DAB1: variants seen among roughly 807,000 people sequenced by gnomAD.
The protein encoded by DAB1 is DAB adaptor protein 1, also known as disabled homolog 1.
Under a neutral mutation model 64.6 loss-of-function variants are expected in DAB1, and 15 were observed. The ratio of observed to expected loss-of-function variants is 0.23; its 90% CI spans 0.16 to 0.36. The LOEUF (loss-of-function observed/expected upper bound fraction) is 0.36, where lower values mean the gene tolerates loss of function less well. Among genes scored for constraint, DAB1 ranks in the 10% least tolerant of loss-of-function variants. DAB1 has a pLI of 1.00. For missense variants in DAB1, 596 were observed against 706.7 expected, an observed-to-expected ratio of 0.84 and a Z score of 1.78; for synonymous variants, 235 against 251.9, an observed-to-expected ratio of 0.93 and a Z score of 0.64.
intron 6 of DAB1, among the ~76,000 whole-genome samples, chr1:57,661,883 C>T (rs1165422799): frequency 1.3e-5 from 2 of 151,976 alleles, no homozygotes; most frequent in Non-Finnish European, 2.9e-5. Flanking sequence ...ATGTGGAGGG[C>T]TGATGCAGTG....
intron 1 of DAB1, among the ~76,000 whole-genome samples, chr1:57,299,438 T>G (rs1423781568): frequency 6.6e-6 from 1 of 152,188 alleles, no homozygotes; most frequent in Non-Finnish European, 1.5e-5. Context: ...GTTTCTGTAA[T>G]CAAACTCAAA....
At chr1:58,363,264 T>G (rs1326213534) in intron 3 of DAB1, among the ~76,000 whole-genome samples, 1 of 152,190 alleles carries the variant, frequency 6.6e-6, no homozygotes, top group Non-Finnish European at 1.5e-5. Flanking sequence ...AAATATCATC[T>G]AATCCAAATT....
At chr1:57,695,948 C>A (rs141001510) in intron 6 of DAB1, among the ~76,000 whole-genome samples, 3 of 152,186 alleles carry the variant, frequency 2.0e-5, no homozygotes, top group East Asian at 1.9e-4. Context: ...AGGGAAATTT[C>A]TTTTCTGTAG....
chr1:57,732,532 C>T (rs1437716586), intron 6 of DAB1, among the ~76,000 whole-genome samples: 3 of 152,168 alleles, frequency 2.0e-5, no homozygotes, highest in African/African-American at 7.2e-5. Flanking sequence ...CAACCCTCCA[C>T]CTACTTATGT....
chr1:58,257,503 A>G (rs1179539092), intron 4 of DAB1, among the ~76,000 whole-genome samples: 1 of 152,042 alleles, frequency 6.6e-6, no homozygotes, highest in African/African-American at 2.4e-5. Flanking sequence ...TGAGGCTGCA[A>G]TTGGTCAAAA....
chr1:57,468,002 T>C (rs901230883), intron 7 of DAB1, among the ~76,000 whole-genome samples: 2 of 152,232 alleles, frequency 1.3e-5, no homozygotes, highest in Non-Finnish European at 2.9e-5. Context: ...ACACTATTCC[T>C]GAACTCCTGG....
chr1:57,841,452 C>T (rs1017190355), intron 1 of DAB1, among the ~76,000 whole-genome samples: 2 of 152,222 alleles, frequency 1.3e-5, no homozygotes, highest in South Asian at 2.1e-4. Flanking sequence ...CCCACATTTC[C>T]CCTCTGCATT....
chr1:57,025,918 A>G (rs1646770058), intron 10 of DAB1, 63 bp downstream of exon 10: 12 of 1,340,958 alleles, frequency 8.9e-6, no homozygotes, highest in Non-Finnish European at 1.2e-5. Context: ...TATTCTGGCC[A>G]CTGAGGGGAT....
intron 6 of DAB1, among the ~76,000 whole-genome samples, chr1:57,790,919 G>A (rs1006514272): frequency 6.6e-6 from 1 of 152,074 alleles, no homozygotes; most frequent in African/African-American, 2.4e-5. Flanking sequence ...ATGTGTGTGT[G>A]TATTTTAAAC....
chr1:58,302,960 G>C (rs1394915871), intron 4 of DAB1, among the ~76,000 whole-genome samples: 3 of 152,100 alleles, frequency 2.0e-5, no homozygotes, highest in Non-Finnish European at 4.4e-5. Flanking sequence ...TTTGCATCCA[G>C]ATCTGTTCCC....
rs1288393246 is a variant in DAB1 at position 57,136,546 on chromosome 1, T to C, written c.303A>G (p.Thr101=). 1 of 1,490,172 alleles carries C rather than the reference T, an allele frequency of 6.7e-7. No individual in the cohort carries two copies. The highest frequency in any genetic ancestry group is 9.1e-7 in the Non-Finnish European group (1 of 1,097,920). 92.3% of individuals were successfully genotyped at this position (1,490,172 alleles called of 1,614,324 possible). Residue 101 remains threonine (T), a synonymous_variant, in exon 4 of 15, where the codon ACA becomes ACG. Coordinates refer to ENST00000371236, the MANE Select transcript of DAB1 (RefSeq NM_001365792.1). ...GCCATGTGATTGCTTTACTTACCCC[T>C]GTCTTCTCATCAAAGATTTTGATTC... ...FGGIKIFDEK[T]GALQHHHAVH... is the part of the protein sequence containing the mutation.
rs1553125453 is a variant in DAB1, at chr1:57,751,834, T to TAATAAAGAAATA, written n.552-102170_552-102169insTATTTCTTTATT. 7.3e-4 allele frequency among the ~76,000 whole-genome samples: 110 copies of TAATAAAGAAATA among 150,906 alleles called. 1 individual carries two copies. The East Asian group carries it at 0.011, about 14-fold the overall frequency. ...CTCCTCTCCATTTCTATTCTTTACT[T>TAATAAAGAAATA]AATAAATAAATAAATAAATAAATAA... is the stretch of plus-strand genomic sequence containing the variant. On this transcript the variant is annotated intron_variant and non_coding_transcript_variant, in intron 6 of 20. Coordinates refer to the DAB1 transcript ENST00000485760.
chr1:58,102,528 T>G (rs1333536129), intron 5 of DAB1, among the ~76,000 whole-genome samples: 1 of 152,188 alleles, frequency 6.6e-6, no homozygotes, highest in Non-Finnish European at 1.5e-5. Context: ...GATGGTCAAA[T>G]GCTATTTTTA....
chr1:58,045,283 G>A (rs1347482513), intron 5 of DAB1, among the ~76,000 whole-genome samples: 6 of 152,174 alleles, frequency 3.9e-5, no homozygotes, highest in Non-Finnish European at 8.8e-5. Flanking sequence ...TGCTGGCAGG[G>A]GCTGTGGAGT....
chr1:57,426,884 G>A (rs972983094), upstream of DAB1, among the ~76,000 whole-genome samples: 1 of 121,096 alleles, frequency 8.3e-6, no homozygotes, highest in African/African-American at 3.3e-5. Context: ...ATTTTTTTGA[G>A]ACAGCGTCTG....
At chr1:58,451,413 G>C (rs1248284100) in intron 3 of DAB1, among the ~76,000 whole-genome samples, 1 of 152,154 alleles carries the variant, frequency 6.6e-6, no homozygotes, top group Non-Finnish European at 1.5e-5. Context: ...ATAACTAAAT[G>C]TAATAAGAAA....
chr1:58,086,250 A>C (rs1030785324), intron 5 of DAB1, among the ~76,000 whole-genome samples: 1 of 152,092 alleles, frequency 6.6e-6, no homozygotes, highest in African/African-American at 2.4e-5. Flanking sequence ...GGCGTGAGCC[A>C]CCGCGCCCGG....
chr1:57,895,190 C>T (rs751554731), intron 5 of DAB1, among the ~76,000 whole-genome samples: 2 of 152,038 alleles, frequency 1.3e-5, no homozygotes, highest in Non-Finnish European at 2.9e-5. Flanking sequence ...GTAACAATGG[C>T]CAACACTTAT....
At chr1:58,535,300 T>C (rs950349150) in intron 1 of DAB1, among the ~76,000 whole-genome samples, 5 of 152,158 alleles carry the variant, frequency 3.3e-5, no homozygotes, top group African/African-American at 1.2e-4. Context: ...TATGCTTTTT[T>C]TCACTTAAGA....
Sources: gnomAD v4.1 joint callset for allele counts (sites outside exome capture counted in the v4.1 genomes callset) on GRCh38, gnomAD v4.1.1 for gene constraint, MANE v1.5 for transcripts, NCBI Gene and HGNC (gene_info 2026-07-23, HGNC 2026-07-21) for gene names.